The following CPA1 variants were observed in gnomAD, a reference collection of about 807,000 sequenced individuals.
The protein encoded by CPA1 is carboxypeptidase A1.
In CPA1, 42 loss-of-function variants were observed where a neutral mutation model predicts 48.7. That is an observed-to-expected ratio of 0.86 (90% confidence interval 0.67 to 1.11). The LOEUF (loss-of-function observed/expected upper bound fraction) is 1.11. Ranked by LOEUF, CPA1 falls within the 50% of genes most tolerant of loss-of-function variation. The pLI, the probability that CPA1 is intolerant of heterozygous loss-of-function variation, is 0.00. For missense variants in CPA1, 477 were observed against 544.7 expected (o/e 0.88, Z 1.24); for synonymous variants, 203 against 217.9 (o/e 0.93, Z 0.60).
chr7:130,385,409 C>A, intron 8 of CPA1, 64 bp downstream of exon 8: 1 of 1,434,796 alleles, frequency 7.0e-7, no homozygotes, highest in Non-Finnish European at 9.8e-7. Flanking sequence ...CCAGGCTTTC[C>A]CCCATCAGAC....
intron 7 of CPA1, 21 bp downstream of exon 7, chr7:130,384,647 G>A (rs1796450440): frequency 3.7e-6 from 6 of 1,604,056 alleles, no homozygotes; most frequent in Non-Finnish European, 5.1e-6. Context: ...GAGTGTCTTG[G>A]GAGCAAGGAT....
At position 130,383,489 on chromosome 7, in the gene CPA1, G is replaced by C; in HGVS notation, c.582G>C (p.Lys194Asn). ...AGGCCAGTGGGGTCTGGTTTGCAAA[G>C]AAGGTAAGGCCGGGGAGGTGAGGAG... ...VTQASGVWFAKKITQDYGQDA... is the reference protein window; with the variant it reads ...VTQASGVWFANKITQDYGQDA... The change falls in exon 5 of 10, where the codon AAG (lysine) becomes AAC (asparagine). Residue 194 changes from lysine to asparagine, a missense_variant. Coordinates refer to ENST00000011292, the MANE Select transcript of CPA1 (RefSeq NM_001868.4). The C allele has an allele frequency of 6.2e-7, 1 of 1,613,800 alleles. No homozygotes were observed. Among genetic ancestry groups the C allele is most frequent in the Non-Finnish European group, 8.5e-7 (1 of 1,179,694 alleles).
chr7:130,385,385 G>A (rs1554411860), intron 8 of CPA1, 40 bp downstream of exon 8: 4 of 1,592,686 alleles, frequency 2.5e-6, no homozygotes, highest in East Asian at 4.5e-5. Context: ...TCCCCAAGGT[G>A]GCTTCGGACA....
intron 1 of CPA1, 23 bp downstream of exon 1, chr7:130,380,608 G>A (rs1554411031): frequency 5.5e-6 from 7 of 1,267,032 alleles, no homozygotes; most frequent in Non-Finnish European, 7.2e-6. Context: ...AGAGGAGGGG[G>A]TGCCCTCTGA....
chr7:130,380,767 A>G (rs1796393341), intron 1 of CPA1, 182 bp downstream of exon 1: 1 of 512,060 alleles, frequency 2.0e-6, no homozygotes, highest in Non-Finnish European at 3.4e-6. Context: ...CTCCCAAGAC[A>G]GTCTCCTGAG....
chr7:130,386,234 A>G (rs1796472949), intron 9 of CPA1, among the ~76,000 whole-genome samples: 1 of 151,982 alleles, frequency 6.6e-6, no homozygotes, highest in African/African-American at 2.4e-5. Flanking sequence ...ATTCAACTTA[A>G]AAAAACACTT....
chr7:130,385,779 T>C, intron 8 of CPA1, 60 bp from the exon 9 acceptor site: 1 of 1,425,898 alleles, frequency 7.0e-7, no homozygotes, highest in South Asian at 1.2e-5. Flanking sequence ...CAGACTACCC[T>C]GGACATGCTG....
chr7:130,383,949 G>T, intron 6 of CPA1, 155 bp downstream of exon 6: 1 of 649,004 alleles, frequency 1.5e-6, no homozygotes. Context: ...TGGCGTGATT[G>T]GCATTTGGGG....
In CPA1 at chr7:130,385,298, T is replaced by C. The variant is rs1796460509; in HGVS notation, c.940T>C (p.Tyr314His). 6.2e-7 allele frequency: 1 copy of C among 1,614,234 alleles called. No individual in the cohort carries two copies. The highest frequency in any genetic ancestry group is 8.5e-7 in the Non-Finnish European group (1 of 1,180,042). Residue 314 changes from tyrosine (Y) to histidine (H), a missense_variant, in exon 8 of 10, where the codon TAT (tyrosine) becomes CAT (histidine). By Grantham distance (83) the Tyr-to-His change is moderately conservative. Coordinates refer to ENST00000011292, the MANE Select transcript of CPA1 (RefSeq NM_001868.4). ...CCACAGCTACTCCCAGCTCCTCATG[T>C]ATCCCTATGGCTACAAAACAGAACC... ...SIHSYSQLLM[Y>H]PYGYKTEPVP... is the part of the protein sequence containing the mutation.
chr7:130,385,785 T>G (rs1796466544), intron 8 of CPA1, 54 bp from the exon 9 acceptor site: 1 of 1,452,402 alleles, frequency 6.9e-7, no homozygotes, highest in African/African-American at 1.4e-5. Context: ...ACCCTGGACA[T>G]GCTGTTCCAG....
Position 130,380,507 on chromosome 7 carries a change from C to T in CPA1, c.-14C>T. ...CGTCTCGACCTCAGTCTGACCTTCC[C>T]TCCCGGCAGCAGCATGCGGGGGTTG... On this transcript the variant is annotated 5_prime_UTR_variant, in exon 1 of 10. Coordinates refer to ENST00000011292, the MANE Select transcript of CPA1 (RefSeq NM_001868.4). The T allele has an allele frequency of 1.5e-6, 2 of 1,313,406 alleles. No individual in the cohort carries two copies. The highest frequency in any genetic ancestry group is 2.0e-6 in the Non-Finnish European group (2 of 1,022,162). 81.4% of individuals were successfully genotyped at this position (1,313,406 alleles called of 1,614,324 possible).
Position 130,387,872 on chromosome 7 carries a change from A to G in CPA1, c.1121A>G (p.Lys374Arg). 1 of 1,614,164 alleles carries G rather than the reference A, an allele frequency of 6.2e-7. No individual in the cohort carries two copies. The highest frequency in any genetic ancestry group is 2.2e-5 in the East Asian group (1 of 44,884). Residue 374 changes from lysine (K) to arginine (R), a missense_variant, in exon 10 of 10, where the codon AAG (lysine) becomes AGG (arginine). Physicochemically the swap from Lys to Arg is conservative, Grantham distance 26. Transcript: ENST00000011292. This position sits in a 1 kb window ranked among gnomAD's most constrained non-coding sequence, Gnocchi z 4.6. Reference protein sequence around the residue: ...TIDWTYSQGIKYSFTFELRDT... With the variant: ...TIDWTYSQGIRYSFTFELRDT... ...GACTGGACCTACAGCCAGGGCATCA[A>G]GTACTCCTTCACCTTCGAGCTCCGG...
Position 130,381,093 on chromosome 7 carries a change from C to T in CPA1, c.66-5C>T, listed in dbSNP as rs1554411099. The T allele has an allele frequency of 1.9e-6, 3 of 1,612,432 alleles. No individual in the cohort carries two copies. In the African/African-American group the frequency reaches 4.0e-5, roughly 22 times the overall value. On this transcript the variant is annotated splice_polypyrimidine_tract_variant and splice_region_variant and intron_variant, in intron 1 of 9. Transcript: ENST00000011292. Reference sequence around the variant, plus strand: ...GTGCTCACTCCCCACTCCCACTCTGCCCAGGCATCAGGTGCTCCGAATCTC... The same window carrying T: ...GTGCTCACTCCCCACTCCCACTCTGTCCAGGCATCAGGTGCTCCGAATCTC...
At chr7:130,381,453 A>T (rs1351814589) in intron 2 of CPA1, among the ~76,000 whole-genome samples, 177 bp from the exon 3 acceptor site, 12 of 151,448 alleles carry the variant, frequency 7.9e-5, no homozygotes, top group African/African-American at 2.9e-4. Context: ...ACCACACTGG[A>T]CTCTCCAGTC....
At chr7:130,381,602 T>C (rs565602249) in intron 2 of CPA1, 28 bp from the exon 3 acceptor site, 1 of 1,578,886 alleles carries the variant, frequency 6.3e-7, no homozygotes, top group South Asian at 1.1e-5. Context: ...CAGCCCGCTG[T>C]GACCGTGCCG....
intron 4 of CPA1, 84 bp downstream of exon 4, chr7:130,382,293 C>G (rs1796417133): frequency 1.9e-6 from 2 of 1,058,806 alleles, no homozygotes; most frequent in Admixed American, 1.8e-5. Flanking sequence ...CCGGGGAAAT[C>G]ATGGTACCAG....
rs146357579 is a variant in CPA1 at position 130,381,786 on chromosome 7, G to A, written c.304G>A (p.Glu102Lys). Residue 102 changes from glutamate to lysine, a missense_variant, in exon 3 of 10, where the codon GAG (glutamate) becomes AAG (lysine). Glu to Lys is a moderately conservative substitution (Grantham distance 56). Coordinates refer to ENST00000011292, the MANE Select transcript of CPA1 (RefSeq NM_001868.4). ...GCAGTCGCTGCTGGACGAGGAGCAG[G>A]AGCAGATGTTCGCCTTCCGGTCCCG... ...DVQSLLDEEQ[E>K]QMFAFRSRAR... The A allele has an allele frequency of 3.1e-6, 5 of 1,614,036 alleles. No homozygotes were observed. The highest frequency in any genetic ancestry group is 4.2e-6 in the Non-Finnish European group (5 of 1,180,028).
At position 130,385,354 on chromosome 7, in the gene CPA1, T is replaced by C; in HGVS notation, c.987+9T>C. ...CTGACCAGGATGAGCTGGTAGGCAC[T>C]GACCTCGGCTTGCCCCCTCGTCCCC... On this transcript the variant is annotated intron_variant, in intron 8 of 9. Transcript: ENST00000011292. 6.2e-7 allele frequency: 1 copy of C among 1,613,932 alleles called. No individual in the cohort carries two copies. The highest frequency in any genetic ancestry group is 1.1e-5 in the South Asian group (1 of 91,076).
Position 130,381,594 on chromosome 7 carries a change from G to A in CPA1, c.148-36G>A, listed in dbSNP as rs1435281433. The A allele has an allele frequency of 2.8e-5, 43 of 1,549,998 alleles. 1 individual carries two copies. The highest frequency in any genetic ancestry group is 3.8e-5 in the Non-Finnish European group (43 of 1,125,382). On this transcript the variant is annotated intron_variant, in intron 2 of 9. Transcript: ENST00000011292. ...CCTGCTGTCCTGGCTGGTGCCCCCA[G>A]CCCGCTGTGACCGTGCCGGCTCTTG... is the stretch of plus-strand genomic sequence containing the variant.
Sources: allele counts gnomAD v4.1 joint callset (sites outside exome capture counted in the v4.1 genomes callset), GRCh38; gene constraint gnomAD v4.1.1; non-coding constraint Gnocchi (gnomAD v3.1); transcripts MANE v1.5; gene names NCBI Gene and HGNC (gene_info 2026-07-23, HGNC 2026-07-21).